The following HVCN1 variants were observed in gnomAD, a reference collection of about 807,000 sequenced individuals.
HVCN1 encodes voltage-gated hydrogen channel 1.
Under a neutral mutation model 29.2 loss-of-function variants are expected in HVCN1, and 14 were observed. The ratio of observed to expected loss-of-function variants is 0.48; its 90% CI spans 0.32 to 0.75. The LOEUF is 0.75. HVCN1 is among the 30% of genes least tolerant of loss of function. The pLI is 0.04. For missense variants in HVCN1, 263 were observed against 341.8 expected (o/e 0.77, Z 1.82); for synonymous variants, 131 against 133.2 (o/e 0.98, Z 0.11).
rs542583644 is a variant in HVCN1, at chr12:110,669,213, G to A, written c.22-7765C>T. Among the ~76,000 whole-genome samples, 143 of 152,090 alleles carry A rather than the reference G, an allele frequency of 9.4e-4. 1 individual carries two copies. Among genetic ancestry groups the A allele is most frequent in the Middle Eastern group, 3.4e-3 (1 of 294 alleles). On this transcript the variant is annotated intron_variant, in intron 3 of 7. Coordinates refer to ENST00000242607, the MANE Select transcript of HVCN1 (RefSeq NM_032369.4). ...CTGCCCAGGCCAAGAACAGAAAATC[G>A]TCCTTGGCTCCTCCTTCTCCCTCAC...
intron 3 of HVCN1, among the ~76,000 whole-genome samples, chr12:110,681,660 CCAT>C (rs560447032): frequency 2.6e-5 from 4 of 152,032 alleles, no homozygotes; most frequent in African/African-American, 9.7e-5. Flanking sequence ...TACACAATCA[CCAT>C]CATCATCATC....
At chr12:110,663,624 GA>G (rs913532081) in intron 3 of HVCN1, among the ~76,000 whole-genome samples, 36 of 119,902 alleles carry the variant, frequency 3.0e-4, no homozygotes, top group African/African-American at 8.0e-4. Flanking sequence ...GAATAAAAAA[GA>G]AAAAAAATTT....
chr12:110,658,767 A>G lies in HVCN1; in HGVS notation c.306+2397T>C, dbSNP rs2068069532. Among the ~76,000 whole-genome samples, 1 of 152,220 alleles carries G rather than the reference A, an allele frequency of 6.6e-6. No individual in the cohort carries two copies. Among genetic ancestry groups the G allele is most frequent in the South Asian group, 2.1e-4 (1 of 4,822 alleles). ...CTTTCTGCAGCCTGCCAAATCCTCA[A>G]TGAGGGCAAAGATGTGTCTGCCACA... On this transcript the variant is annotated intron_variant, in intron 4 of 7. Transcript: ENST00000242607. This position sits in a 1 kb window ranked among gnomAD's most constrained non-coding sequence, Gnocchi z 5.0.
intron 3 of HVCN1, among the ~76,000 whole-genome samples, chr12:110,667,368 A>T (rs1256496449): frequency 6.6e-6 from 1 of 152,074 alleles, no homozygotes; most frequent in Non-Finnish European, 1.5e-5. Context: ...TCCTGACCTC[A>T]GGTGATCCGC....
rs1338240406 is a variant in HVCN1 at position 110,688,759 on chromosome 12, G to A, written c.-103-51C>T. On this transcript the variant is annotated intron_variant, in intron 1 of 7. Transcript: ENST00000242607. ...CACCTGTGGCTGCTGCGCGGAGTGT[G>A]AAGAACTGAAGGCACCTGGCCCAGG... The A allele has an allele frequency of 2.0e-5, 3 of 152,460 alleles. No homozygotes were observed. The East Asian group carries it at 5.8e-4, about 29-fold the overall frequency. 9.4% of individuals were successfully genotyped at this position (152,460 alleles called of 1,614,324 possible). A position where few individuals can be genotyped will look rare whatever the true frequency, so the allele number is the denominator to read the frequency against.
intron 3 of HVCN1, among the ~76,000 whole-genome samples, chr12:110,667,123 C>A (rs964375529): frequency 6.6e-6 from 1 of 152,072 alleles, no homozygotes; most frequent in Non-Finnish European, 1.5e-5. Flanking sequence ...GCTCTCCAGG[C>A]AGCCACTGGC....
upstream of HVCN1, among the ~76,000 whole-genome samples, chr12:110,693,178 A>G (rs2069439634): frequency 6.6e-6 from 1 of 152,016 alleles, no homozygotes; most frequent in South Asian, 2.1e-4. Context: ...GACATGAGCC[A>G]CTGGCCTTTA....
At chr12:110,702,828 A>G (rs2069576375) in intron 1 of HVCN1, among the ~76,000 whole-genome samples, 1 of 152,004 alleles carries the variant, frequency 6.6e-6, no homozygotes, top group Non-Finnish European at 1.5e-5. Flanking sequence ...CTAATTTTGT[A>G]TTTTTAGTAG....
intron 1 of HVCN1, 73 bp from the exon 2 acceptor site, chr12:110,688,781 C>T (rs1314029361): frequency 6.6e-6 from 1 of 152,522 alleles, no homozygotes; most frequent in Non-Finnish European, 1.5e-5. Context: ...GCACCTGGCC[C>T]AGGGCGGCGC....
chr12:110,658,021 A>T lies in HVCN1; in HGVS notation c.307-2683T>A, dbSNP rs1020843215. Reference sequence around the variant, plus strand: ...ACCCCAGAGCAACAATGGGAGCATGACGTGAGTGAAGTATGAAGGGCGCTT... The same window carrying T: ...ACCCCAGAGCAACAATGGGAGCATGTCGTGAGTGAAGTATGAAGGGCGCTT... On this transcript the variant is annotated intron_variant, in intron 4 of 7. Transcript: ENST00000242607. This position sits in a 1 kb window ranked among gnomAD's most constrained non-coding sequence, Gnocchi z 5.0. Among the ~76,000 whole-genome samples, 4 of 152,162 alleles carry T rather than the reference A, an allele frequency of 2.6e-5. No homozygotes were observed. The highest frequency in any genetic ancestry group is 4.4e-5 in the Non-Finnish European group (3 of 68,020).
intron 3 of HVCN1, among the ~76,000 whole-genome samples, chr12:110,681,277 A>T (rs2068960224): frequency 6.6e-6 from 1 of 152,196 alleles, no homozygotes; most frequent in Non-Finnish European, 1.5e-5. Flanking sequence ...GTGCTAAGAA[A>T]CATGGTGCCA....
At chr12:110,679,149 C>T (rs1374634600) in intron 3 of HVCN1, among the ~76,000 whole-genome samples, 1 of 152,120 alleles carries the variant, frequency 6.6e-6, no homozygotes, top group African/African-American at 2.4e-5. Context: ...CACCTGGCAG[C>T]TTTAAGGCAC....
intron 3 of HVCN1, among the ~76,000 whole-genome samples, chr12:110,669,719 G>A (rs2136346879): frequency 6.6e-6 from 1 of 152,220 alleles, no homozygotes; most frequent in South Asian, 2.1e-4. Flanking sequence ...TGTGAACGCT[G>A]GGAGGGCAGA....
upstream of HVCN1, among the ~76,000 whole-genome samples, chr12:110,693,776 G>A (rs1256120097): frequency 6.6e-6 from 1 of 152,130 alleles, no homozygotes; most frequent in Non-Finnish European, 1.5e-5. Context: ...TTCAATGCAA[G>A]ATAGCTGGCA....
chr12:110,675,328 G>A (rs565537277), intron 3 of HVCN1, among the ~76,000 whole-genome samples: 11 of 152,240 alleles, frequency 7.2e-5, no homozygotes, highest in South Asian at 4.1e-4. Flanking sequence ...GCGTGGTGGC[G>A]CATGCCTGTA....
chr12:110,655,317 C>T lies in HVCN1; in HGVS notation c.328G>A (p.Val110Ile). The T allele has an allele frequency of 3.1e-6, 5 of 1,613,838 alleles. No homozygotes were observed. In the East Asian group the frequency reaches 8.9e-5, roughly 29 times the overall value. Reference protein sequence around the residue: ...RFQVIIICLVVLDALLVLAEL... With the variant: ...RFQVIIICLVILDALLVLAEL... ...GCAAGCACCAGGAGGGCATCCAGAA[C>T]CACCAAGCAGATGATGATGACCTGT... Residue 110 changes from valine to isoleucine, a missense_variant, in exon 5 of 8, where the codon GTT (valine) becomes ATT (isoleucine). Physicochemically the swap from Val to Ile is conservative, Grantham distance 29. This residue lies in a region of HVCN1 where 157 missense variants were observed against 181.3 expected (regional missense o/e 0.87). Transcript: ENST00000242607.
At chr12:110,700,815 GT>G (rs2069556768) in intron 2 of HVCN1, among the ~76,000 whole-genome samples, 1 of 152,198 alleles carries the variant, frequency 6.6e-6, no homozygotes, top group Admixed American at 6.6e-5. Flanking sequence ...GCTGTCTTCT[GT>G]TTTTCCCTGC....
chr12:110,682,482 A>G (rs1029917550), intron 3 of HVCN1, among the ~76,000 whole-genome samples: 3 of 152,098 alleles, frequency 2.0e-5, no homozygotes, highest in African/African-American at 7.2e-5. Flanking sequence ...TACAGGCATG[A>G]GCCACCACAC....
intron 3 of HVCN1, among the ~76,000 whole-genome samples, chr12:110,672,842 T>A (rs903233494): frequency 6.6e-6 from 1 of 152,192 alleles, no homozygotes; most frequent in East Asian, 1.9e-4. Flanking sequence ...ACATAAGAAG[T>A]GCCTTTCGCC....
Sources: gnomAD v4.1 joint callset for allele counts (sites outside exome capture counted in the v4.1 genomes callset) on GRCh38, gnomAD v4.1.1 for gene constraint, gnomAD v4.1.1 regional missense constraint, Gnocchi (gnomAD v3.1) non-coding constraint, MANE v1.5 for transcripts, NCBI Gene and HGNC (gene_info 2026-07-23, HGNC 2026-07-21) for gene names.